Variants in ARHGDIB observed in about 807,000 individuals in gnomAD.
ARHGDIB encodes the protein Rho GDP dissociation inhibitor beta.
In ARHGDIB, 20 loss-of-function variants were observed where a neutral mutation model predicts 22.6. That is an observed-to-expected ratio of 0.88 (90% CI 0.62 to 1.28). ARHGDIB has a LOEUF of 1.28. ARHGDIB is among the 50% of genes most tolerant of loss of function. The probability of loss-of-function intolerance (pLI) is 0.00; values close to 1 mark genes in which losing one functional copy is unlikely to be tolerated. For missense variants in ARHGDIB, 254 were observed against 245.4 expected, an observed-to-expected ratio of 1.04 and a Z score of -0.23; for synonymous variants, 114 against 96.1, an observed-to-expected ratio of 1.19 and a Z score of -1.09.
At chr12:14,944,925 T>A in intron 4 of ARHGDIB, 86 bp from the exon 5 acceptor site, 1 of 1,192,706 alleles carries the variant, frequency 8.4e-7, no homozygotes, top group Non-Finnish European at 1.2e-6. Flanking sequence ...CCTAGCTGAA[T>A]CGTCTCTGAC....
chr12:14,953,872 T>G (rs1864238949), intron 1 of ARHGDIB, among the ~76,000 whole-genome samples: 1 of 149,406 alleles, frequency 6.7e-6, no homozygotes, highest in South Asian at 2.2e-4. Context: ...TCTTTCTCCC[T>G]TTCTTTCTTT....
chr12:14,954,094 T>C (rs1864246555), intron 1 of ARHGDIB, among the ~76,000 whole-genome samples: 1 of 152,166 alleles, frequency 6.6e-6, no homozygotes, highest in Non-Finnish European at 1.5e-5. Context: ...TTGTCTTGCC[T>C]CAGCCTTCTG....
chr12:14,950,750 A>G, intron 1 of ARHGDIB, 26 bp from the exon 2 acceptor site: 1 of 1,551,950 alleles, frequency 6.4e-7, no homozygotes, highest in Non-Finnish European at 8.7e-7. Context: ...ACAGCCCGTT[A>G]GTCAACAAGT....
intron 4 of ARHGDIB, chr12:14,947,603 C>T (rs982180810): frequency 1.1e-5 from 4 of 378,508 alleles, no homozygotes; most frequent in Admixed American, 8.4e-5. Context: ...CAGTGTGTGC[C>T]TCGAGGATGT....
intron 4 of ARHGDIB, chr12:14,947,672 C>T (rs550324341): frequency 5.1e-4 from 285 of 555,770 alleles, no homozygotes; most frequent in African/African-American, 4.8e-3. Flanking sequence ...TTTAAGAAGT[C>T]CTGGCTAGGA....
chr12:14,947,523 A>G (rs1864047118), intron 4 of ARHGDIB, among the ~76,000 whole-genome samples: 1 of 152,272 alleles, frequency 6.6e-6, no homozygotes, highest in African/African-American at 2.4e-5. Context: ...GGAGAGATGT[A>G]CAATTTCACC....
chr12:14,952,025 A>C (rs1864187867), intron 1 of ARHGDIB, among the ~76,000 whole-genome samples: 1 of 152,128 alleles, frequency 6.6e-6, no homozygotes, highest in South Asian at 2.1e-4. Flanking sequence ...GATTTCCTTA[A>C]TTCTATCTTG....
intron 1 of ARHGDIB, among the ~76,000 whole-genome samples, chr12:14,957,556 C>A (rs1314148013): frequency 1.3e-5 from 2 of 152,166 alleles, no homozygotes; most frequent in Non-Finnish European, 2.9e-5. Flanking sequence ...TATTATATTT[C>A]TTTTAAAAAC....
intron 5 of ARHGDIB, among the ~76,000 whole-genome samples, chr12:14,943,877 A>T (rs1484990274): frequency 6.6e-6 from 1 of 152,252 alleles, no homozygotes; most frequent in Non-Finnish European, 1.5e-5. Context: ...AAGTGAGGTG[A>T]TACGGGCTTT....
intron 4 of ARHGDIB, chr12:14,947,614 G>T (rs1284399889): frequency 2.4e-6 from 1 of 408,908 alleles, no homozygotes; most frequent in African/African-American, 2.0e-5. Flanking sequence ...TCGAGGATGT[G>T]TTTGGAGTTC....
At chr12:14,954,605 G>T (rs191263006) in intron 1 of ARHGDIB, among the ~76,000 whole-genome samples, 1 of 152,316 alleles carries the variant, frequency 6.6e-6, no homozygotes, top group Non-Finnish European at 1.5e-5. Context: ...AACCACTGCG[G>T]ATCTGAGTTT....
intron 2 of ARHGDIB, 63 bp from the exon 3 acceptor site, chr12:14,949,948 T>C (rs1324752031): frequency 8.0e-6 from 11 of 1,369,370 alleles, no homozygotes; most frequent in Non-Finnish European, 1.1e-5. Flanking sequence ...GTGTGTGCAT[T>C]TCAAGTGGGA....
intron 4 of ARHGDIB, among the ~76,000 whole-genome samples, chr12:14,946,705 C>T (rs1864023698): frequency 6.6e-6 from 1 of 152,200 alleles, no homozygotes; most frequent in East Asian, 1.9e-4. Context: ...AGCCCCTGTT[C>T]CAGAGCTTTC....
At chr12:14,958,119 G>T (rs1864338731) in intron 1 of ARHGDIB, among the ~76,000 whole-genome samples, 2 of 152,152 alleles carry the variant, frequency 1.3e-5, no homozygotes, top group Non-Finnish European at 2.9e-5. Flanking sequence ...GCTAGTCAAG[G>T]ATTTGAATGT....
chr12:14,948,197 G>A (rs1470249448), intron 3 of ARHGDIB, among the ~76,000 whole-genome samples: 1 of 151,590 alleles, frequency 6.6e-6, no homozygotes, highest in African/African-American at 2.4e-5. Context: ...CTGCCCCCAA[G>A]TTTGATGACA....
chr12:14,952,210 C>T (rs1864192424), intron 1 of ARHGDIB, among the ~76,000 whole-genome samples: 1 of 144,770 alleles, frequency 6.9e-6, no homozygotes, highest in African/African-American at 2.6e-5. Flanking sequence ...TTCAATGTCA[C>T]TATTATTGGC....
intron 1 of ARHGDIB, among the ~76,000 whole-genome samples, chr12:14,955,619 T>C (rs1456029414): frequency 6.6e-6 from 1 of 152,182 alleles, no homozygotes; most frequent in Non-Finnish European, 1.5e-5. Context: ...CAATACAATA[T>C]TATTAAGCAT....
intron 1 of ARHGDIB, among the ~76,000 whole-genome samples, chr12:14,959,910 G>A (rs1239646253): frequency 6.6e-6 from 1 of 152,178 alleles, no homozygotes; most frequent in Non-Finnish European, 1.5e-5. Flanking sequence ...AGATGCTCTT[G>A]TTACTAAGCT....
chr12:14,942,683 G>A lies in ARHGDIB; in HGVS notation c.445C>T (p.Arg149Trp), dbSNP rs1042106739. 9 of 1,613,972 alleles carry A rather than the reference G, an allele frequency of 5.6e-6. No individual in the cohort carries two copies. The highest frequency in any genetic ancestry group is 3.3e-4 in the Middle Eastern group (2 of 6,084). Residue 149 changes from arginine to tryptophan, a missense_variant, in exon 6 of 6, where the codon CGG becomes TGG. Transcript: ENST00000228945. ...GTGAGGAACTCATACTCCTCAGGCC[G>A]AGGTCCATAGCTGCCAACCATAAAT... ...ATFMVGSYGP[R>W]PEEYEFLTPV...
Sources: gnomAD v4.1 joint callset for allele counts (sites outside exome capture counted in the v4.1 genomes callset) on GRCh38, gnomAD v4.1.1 for gene constraint, MANE v1.5 for transcripts, NCBI Gene and HGNC (gene_info 2026-07-23, HGNC 2026-07-21) for gene names.